Variants in KCNMA1 observed in about 807,000 individuals in gnomAD.
KCNMA1 encodes the protein Calcium-activated potassium channel subunit alpha-1.
Under a neutral mutation model 140.0 loss-of-function variants are expected in KCNMA1, and 29 were observed. The observed-to-expected ratio is 0.21, with a 90% CI of 0.15 to 0.28. The LOEUF (loss-of-function observed/expected upper bound fraction) is 0.28. Ranked by LOEUF, KCNMA1 falls within the 10% of genes least tolerant of loss-of-function variation. The pLI is 1.00. For missense variants in KCNMA1, 880 were observed against 1,602.2 expected (o/e 0.55, Z 7.70); for synonymous variants, 612 against 611.9 (o/e 1.00, Z 0.00).
At chr10:77,372,161 C>T (rs1487029831) in intron 2 of KCNMA1, among the ~76,000 whole-genome samples, 1 of 152,166 alleles carries the variant, frequency 6.6e-6, no homozygotes, top group Non-Finnish European at 1.5e-5. Flanking sequence ...CAGTGCAAGA[C>T]CAGTCTCTCC....
At chr10:77,554,266 G>A (rs1377173442) in intron 1 of KCNMA1, among the ~76,000 whole-genome samples, 2 of 152,146 alleles carry the variant, frequency 1.3e-5, no homozygotes, top group Non-Finnish European at 2.9e-5. Context: ...CAACAAAGTA[G>A]CAGCTCCTCT....
intron 3 of KCNMA1, among the ~76,000 whole-genome samples, chr10:77,226,521 C>A (rs1392519670): frequency 6.6e-6 from 1 of 151,848 alleles, no homozygotes; most frequent in African/African-American, 2.4e-5. Context: ...ACGAGAAGGC[C>A]CCCTGCAGCC....
chr10:77,362,777 A>C (rs1469912940), intron 2 of KCNMA1, among the ~76,000 whole-genome samples: 1 of 152,174 alleles, frequency 6.6e-6, no homozygotes, highest in Admixed American at 6.5e-5. Flanking sequence ...TGTATCCATC[A>C]CAAGGGCCTC....
chr10:76,894,275 C>T (rs1246232780), intron 25 of KCNMA1, among the ~76,000 whole-genome samples: 1 of 152,168 alleles, frequency 6.6e-6, no homozygotes, highest in Non-Finnish European at 1.5e-5. Context: ...TGGGTATCCA[C>T]AGGCAGAAGA....
In KCNMA1 at chr10:77,041,266, G is replaced by A. The variant is rs1432188020; in HGVS notation, c.1750-1629C>T. 4.1e-3 allele frequency among the ~76,000 whole-genome samples: 36 copies of A among 8,782 alleles called. 17 individuals carry two copies. The highest frequency in any genetic ancestry group is 6.4e-3 in the Non-Finnish European group (34 of 5,352). 5.8% of individuals were successfully genotyped at this position (8,782 alleles called of 152,430 possible). A position where few individuals can be genotyped will look rare whatever the true frequency, so the allele number is the denominator to read the frequency against. On this transcript the variant is annotated intron_variant, in intron 14 of 27. Coordinates refer to ENST00000286628, the MANE Select transcript of KCNMA1 (RefSeq NM_001161352.2). Reference sequence around the variant, plus strand: ...TGCAAGCTCCGCCTCCCAGGTTCACGCCATTCTCCTGCCTCAGCCTCCCGA... The same window carrying A: ...TGCAAGCTCCGCCTCCCAGGTTCACACCATTCTCCTGCCTCAGCCTCCCGA...
chr10:76,928,707 A>G (rs1216751268), intron 23 of KCNMA1, among the ~76,000 whole-genome samples: 1 of 152,190 alleles, frequency 6.6e-6, no homozygotes, highest in African/African-American at 2.4e-5. Context: ...GATGTAAGGC[A>G]TGCAATCAAA....
At chr10:77,542,995 GA>G (rs2060527644) in intron 1 of KCNMA1, among the ~76,000 whole-genome samples, 1 of 151,928 alleles carries the variant, frequency 6.6e-6, no homozygotes, top group African/African-American at 2.4e-5. Flanking sequence ...ACAGCAGCAT[GA>G]ACAATCAAGA....
At chr10:77,101,843 C>A (rs577305893) in intron 9 of KCNMA1, among the ~76,000 whole-genome samples, 1 of 152,288 alleles carries the variant, frequency 6.6e-6, no homozygotes, top group South Asian at 2.1e-4. Context: ...AAAGAAAAGG[C>A]CTGTGGATCG....
chr10:77,435,951 T>C (rs2097254985), intron 1 of KCNMA1, among the ~76,000 whole-genome samples: 2 of 152,198 alleles, frequency 1.3e-5, no homozygotes, highest in Admixed American at 1.3e-4. Context: ...GGAGGACTTG[T>C]AATCTTTTTA....
intron 14 of KCNMA1, among the ~76,000 whole-genome samples, chr10:77,047,355 C>A (rs2095122039): frequency 6.6e-6 from 1 of 152,142 alleles, no homozygotes; most frequent in Non-Finnish European, 1.5e-5. Flanking sequence ...AAGAATCAAC[C>A]CACACGAGGT....
intron 1 of KCNMA1, among the ~76,000 whole-genome samples, chr10:77,631,103 TC>T (rs141522998): frequency 0.018 from 1,673 of 94,920 alleles, 174 homozygotes; most frequent in Middle Eastern, 0.064. Flanking sequence ...TGAGACCCTG[TC>T]CCAAAAAAAA....
chr10:77,595,128 G>A (rs924784764), intron 1 of KCNMA1, among the ~76,000 whole-genome samples: 7 of 152,124 alleles, frequency 4.6e-5, no homozygotes, highest in South Asian at 2.1e-4. Context: ...GGCAGATCAC[G>A]TGAGGTGAGG....
At chr10:77,287,989 A>G (rs191157648) in intron 2 of KCNMA1, among the ~76,000 whole-genome samples, 16 of 152,368 alleles carry the variant, frequency 1.1e-4, no homozygotes, top group African/African-American at 3.1e-4. Flanking sequence ...GAGGGGATCA[A>G]GTGGCAATAA....
At chr10:76,916,412 G>T (rs2052931703) in intron 23 of KCNMA1, among the ~76,000 whole-genome samples, 1 of 152,164 alleles carries the variant, frequency 6.6e-6, no homozygotes, top group Non-Finnish European at 1.5e-5. Context: ...GCCTCGTTAA[G>T]GTTTTGCATG....
intron 1 of KCNMA1, among the ~76,000 whole-genome samples, chr10:77,579,376 C>G (rs2075192941): frequency 6.6e-6 from 1 of 152,206 alleles, no homozygotes; most frequent in Non-Finnish European, 1.5e-5. Context: ...CTGTAACAAG[C>G]TGTCAATCTG....
chr10:77,406,738 G>C (rs933676588), intron 1 of KCNMA1, among the ~76,000 whole-genome samples: 3 of 152,132 alleles, frequency 2.0e-5, no homozygotes, highest in Non-Finnish European at 4.4e-5. Flanking sequence ...TTGGTGGAGG[G>C]GTGAGGAAAA....
intron 19 of KCNMA1, among the ~76,000 whole-genome samples, chr10:76,984,699 C>T (rs2080689795): frequency 6.9e-6 from 1 of 144,994 alleles, no homozygotes; most frequent in Non-Finnish European, 1.5e-5. Context: ...CATAGGCAAT[C>T]CAATCTCAGT....
At chr10:76,924,894 C>A (rs2057206622) in intron 23 of KCNMA1, among the ~76,000 whole-genome samples, 1 of 152,140 alleles carries the variant, frequency 6.6e-6, no homozygotes, top group Non-Finnish European at 1.5e-5. Flanking sequence ...AAGGGAGGAG[C>A]AGTCAGAGCT....
intron 12 of KCNMA1, 84 bp from the exon 13 acceptor site, chr10:77,079,634 G>T: frequency 1.0e-6 from 1 of 964,086 alleles, no homozygotes; most frequent in Non-Finnish European, 1.7e-6. Flanking sequence ...GTCTCCAAAT[G>T]GGGTACCCAT....
Sources: allele counts gnomAD v4.1 joint callset (sites outside exome capture counted in the v4.1 genomes callset), GRCh38; gene constraint gnomAD v4.1.1; transcripts MANE v1.5; gene names NCBI Gene and HGNC (gene_info 2026-07-23, HGNC 2026-07-21).